The following SLC25A3 variants were observed in gnomAD, a reference collection of about 807,000 sequenced individuals.
The protein encoded by SLC25A3 is solute carrier family 25 member 3, also known as phosphate transport protein.
A neutral mutation model predicts 37.1 loss-of-function variants in SLC25A3; 14 were observed. The observed-to-expected ratio is 0.38, with a 90% CI of 0.25 to 0.59. The LOEUF is 0.59. Among genes scored for constraint, SLC25A3 ranks in the 20% least tolerant of loss-of-function variants. The probability of loss-of-function intolerance (pLI) is 0.67; values close to 1 mark genes in which losing one functional copy is unlikely to be tolerated. For missense variants in SLC25A3, 385 were observed against 458.1 expected, an observed-to-expected ratio of 0.84 and a Z score of 1.46; for synonymous variants, 161 against 168.7, an observed-to-expected ratio of 0.95 and a Z score of 0.36.
chr12:98,593,688 C>T lies in SLC25A3; in HGVS notation c.-57C>T, dbSNP rs1565828254. 1.4e-5 allele frequency: 7 copies of T among 515,878 alleles called. No individual in the cohort carries two copies. Among genetic ancestry groups the T allele is most frequent in the Non-Finnish European group, 2.1e-5 (6 of 283,082 alleles). 32.0% of individuals were successfully genotyped at this position (515,878 alleles called of 1,614,324 possible). ...TTAGGACCCGGAGGACGTCCGGCCT[C>T]TGTGAGCCGCAACCTTTCCAAGGGA... is the stretch of plus-strand genomic sequence containing the variant. On this transcript the variant is annotated 5_prime_UTR_variant, in exon 1 of 8. Transcript: ENST00000552981.
At chr12:98,593,769 C>T in intron 1 of SLC25A3, 29 bp downstream of exon 1, 1 of 613,524 alleles carries the variant, frequency 1.6e-6, no homozygotes, top group Non-Finnish European at 2.9e-6. Flanking sequence ...TCTCCTGTGG[C>T]GGGTGTGGGG....
Position 98,604,532 on chromosome 12 carries a change from C to G in SLC25A3, c.*3004C>G, listed in dbSNP as rs192046771. On this transcript the variant is annotated 3_prime_UTR_variant, in exon 8 of 8. Transcript: ENST00000552981. The stretch of plus-strand genomic sequence containing the variant: ...TTTTCCCTAGAGAACAGGGTTCTTG[C>G]TTTGTCGCCCAGGCTGGAGTACAGC... The G allele has an allele frequency of 7.3e-4, 108 of 148,054 alleles. 1 individual carries two copies. Among genetic ancestry groups the G allele is most frequent in the African/African-American group, 2.6e-3 (104 of 40,064 alleles). The allele number at this position is 148,054 out of a possible 1,614,324, so 9.2% of individuals were successfully genotyped here.
chr12:98,598,047 A>G lies in SLC25A3; in HGVS notation c.459+12A>G. ...ATATGCTTGGAGAGGTATGTAATTA[A>G]CTTTAAAATTGAATGTTCCGAGTGT... On this transcript the variant is annotated intron_variant, in intron 4 of 7. Transcript: ENST00000552981. 1.2e-6 allele frequency: 2 copies of G among 1,611,656 alleles called. No individual in the cohort carries two copies. Among genetic ancestry groups the G allele is most frequent in the Non-Finnish European group, 1.7e-6 (2 of 1,178,168 alleles).
chr12:98,603,687 G>A lies in SLC25A3; in HGVS notation c.*2159G>A, dbSNP rs751805537. 3.3e-5 allele frequency: 5 copies of A among 152,112 alleles called. No homozygotes were observed. The highest frequency in any genetic ancestry group is 1.9e-4 in the East Asian group (1 of 5,186). 9.4% of individuals were successfully genotyped at this position (152,112 alleles called of 1,614,324 possible). The stretch of plus-strand genomic sequence containing the variant: ...GAGTTATAATAGGTTTTATTTGTGG[G>A]CATTGATACAAAATACGCTGTGTTC... On this transcript the variant is annotated 3_prime_UTR_variant, in exon 8 of 8. Transcript: ENST00000552981.
rs2097598867 is a variant in SLC25A3, at chr12:98,602,748, A to G, written c.*1220A>G. On this transcript the variant is annotated 3_prime_UTR_variant, in exon 8 of 8. Transcript: ENST00000552981. Reference sequence around the variant, plus strand: ...AACGAAAAACCTAGTGTAATATATAACATGCTGTTTTTCAAACACTAGATT... The same window carrying G: ...AACGAAAAACCTAGTGTAATATATAGCATGCTGTTTTTCAAACACTAGATT... 1 of 152,200 alleles carries G rather than the reference A, an allele frequency of 6.6e-6. No homozygotes were observed. The highest frequency in any genetic ancestry group is 2.1e-4 in the South Asian group (1 of 4,828). 9.4% of individuals were successfully genotyped at this position (152,200 alleles called of 1,614,324 possible). A position where few individuals can be genotyped will look rare whatever the true frequency, so the allele number is the denominator to read the frequency against.
intron 6 of SLC25A3, 148 bp from the exon 7 acceptor site, chr12:98,601,023 C>T (rs2097597429): frequency 3.7e-6 from 3 of 804,464 alleles, no homozygotes; most frequent in African/African-American, 1.7e-5. Flanking sequence ...ATAGGATAGA[C>T]AGCTTGATAA....
chr12:98,593,838 G>A (rs905198621), intron 1 of SLC25A3, 98 bp downstream of exon 1: 3 of 959,228 alleles, frequency 3.1e-6, no homozygotes, highest in Non-Finnish European at 3.2e-6. Context: ...GCCGGGAGCA[G>A]CCTCTTTCGA....
At position 98,597,841 on chromosome 12, in the gene SLC25A3, T is replaced by C; in HGVS notation, c.280-15T>C. ...TTTGGTGCATTTAATTTTTTTTTTC[T>C]TGTTTTAAATAAAGGTGGACCCCCA... On this transcript the variant is annotated splice_polypyrimidine_tract_variant and intron_variant, in intron 3 of 7. Coordinates refer to ENST00000552981, the MANE Select transcript of SLC25A3 (RefSeq NM_002635.4). 1.9e-6 allele frequency: 3 copies of C among 1,606,738 alleles called. No individual in the cohort carries two copies. Among genetic ancestry groups the C allele is most frequent in the Admixed American group, 1.7e-5 (1 of 59,782 alleles).
rs1286877421 is a variant in SLC25A3 at position 98,600,020 on chromosome 12, G to T, written c.707G>T (p.Cys236Phe). 7 of 1,613,994 alleles carry T rather than the reference G, an allele frequency of 4.3e-6. No individual in the cohort carries two copies. Among genetic ancestry groups the T allele is most frequent in the African/African-American group, 2.7e-5 (2 of 74,926 alleles). ...CCATACACCATGATGAAGTTCGCCT[G>T]CTTTGAACGTACTGTTGAAGCACTG... is the stretch of plus-strand genomic sequence containing the variant. ...QIPYTMMKFA[C>F]FERTVEALYK... The change falls in exon 6 of 8, where the codon TGC (cysteine) becomes TTC (phenylalanine). Residue 236 changes from cysteine to phenylalanine, a missense_variant. By Grantham distance (205) the Cys-to-Phe change is radical. Coordinates refer to ENST00000552981, the MANE Select transcript of SLC25A3 (RefSeq NM_002635.4).
Position 98,601,786 on chromosome 12 carries a change from G to A in SLC25A3, c.*258G>A. 1 of 433,304 alleles carries A rather than the reference G, an allele frequency of 2.3e-6. No homozygotes were observed. The highest frequency in any genetic ancestry group is 2.6e-5 in the South Asian group (1 of 37,786). 26.8% of individuals were successfully genotyped at this position (433,304 alleles called of 1,614,324 possible). ...TAGTTGGAAAGAATGAAGTATATAA[G>A]TTAAGGAAAAAATACAAAACTGACC... is the stretch of plus-strand genomic sequence containing the variant. On this transcript the variant is annotated 3_prime_UTR_variant, in exon 8 of 8. Coordinates refer to ENST00000552981, the MANE Select transcript of SLC25A3 (RefSeq NM_002635.4).
rs1452141066 is a variant in SLC25A3, at chr12:98,602,854, CTT to C, written c.*1330_*1331del. ...CGTACAGATGGCCTGGAGAGAAAAA[CTT>C]TTTCAGAGATTGGAGAGAAATGTTA... is the stretch of plus-strand genomic sequence containing the variant. On this transcript the variant is annotated 3_prime_UTR_variant, in exon 8 of 8. Transcript: ENST00000552981. The C allele has an allele frequency of 1.3e-5, 2 of 152,170 alleles. No individual in the cohort carries two copies. The highest frequency in any genetic ancestry group is 1.5e-5 in the Non-Finnish European group (1 of 68,028). 9.4% of individuals were successfully genotyped at this position (152,170 alleles called of 1,614,324 possible).
In SLC25A3 at chr12:98,602,926, T is replaced by C. The variant is rs1220504546; in HGVS notation, c.*1398T>C. ...TCAGTGAACTCAATTTAGAAGCCAG[T>C]GCAGCTAGTTGCATGTTAACTTCTT... On this transcript the variant is annotated 3_prime_UTR_variant, in exon 8 of 8. Coordinates refer to ENST00000552981, the MANE Select transcript of SLC25A3 (RefSeq NM_002635.4). 6.6e-6 allele frequency: 1 copy of C among 152,248 alleles called. No homozygotes were observed. Among genetic ancestry groups the C allele is most frequent in the African/African-American group, 2.4e-5 (1 of 41,470 alleles). The allele number at this position is 152,248 out of a possible 1,614,324, so 9.4% of individuals were successfully genotyped here. A position where few individuals can be genotyped will look rare whatever the true frequency, so the allele number is the denominator to read the frequency against.
rs1369206043 is a variant in SLC25A3, at chr12:98,603,052, A to G, written c.*1524A>G. On this transcript the variant is annotated 3_prime_UTR_variant, in exon 8 of 8. Transcript: ENST00000552981. ...GTACAAATTTGGACCAAACTTTAAA[A>G]AGGTAAAGTAGGATGTCTTCTGAAC... is the stretch of plus-strand genomic sequence containing the variant. 6.6e-6 allele frequency: 1 copy of G among 152,254 alleles called. No individual in the cohort carries two copies. The highest frequency in any genetic ancestry group is 1.5e-5 in the Non-Finnish European group (1 of 68,044). 9.4% of individuals were successfully genotyped at this position (152,254 alleles called of 1,614,324 possible).
rs1024306613 is a variant in SLC25A3, at chr12:98,602,241, G to A, written c.*713G>A. 2.0e-5 allele frequency: 3 copies of A among 151,842 alleles called. No individual in the cohort carries two copies. The highest frequency in any genetic ancestry group is 1.3e-4 in the Admixed American group (2 of 15,206). The allele number at this position is 151,842 out of a possible 1,614,324, so 9.4% of individuals were successfully genotyped here. On this transcript the variant is annotated 3_prime_UTR_variant, in exon 8 of 8. Coordinates refer to ENST00000552981, the MANE Select transcript of SLC25A3 (RefSeq NM_002635.4). ...GTGTAGTGTCGCGATCTCGCCTCAC[G>A]GCAACCTCTGCCTCCCAGGTTCAAG...
At chr12:98,600,265 T>C in intron 6 of SLC25A3, 138 bp downstream of exon 6, 1 of 685,670 alleles carries the variant, frequency 1.5e-6, no homozygotes, top group South Asian at 1.6e-5. Context: ...TGAGGCATAG[T>C]CTCGCTCTGT....
In SLC25A3 at chr12:98,601,617, G is replaced by A; in HGVS notation, c.*89G>A. ...AACTTTTATATATTTGACAGTGTAGGAAATTGTCTATTCCTGATATAATTA... is the reference window on the plus strand; with the variant it reads ...AACTTTTATATATTTGACAGTGTAGAAAATTGTCTATTCCTGATATAATTA... On this transcript the variant is annotated 3_prime_UTR_variant, in exon 8 of 8. Transcript: ENST00000552981. The A allele has an allele frequency of 1.2e-6, 1 of 851,082 alleles. No individual in the cohort carries two copies. Among genetic ancestry groups the A allele is most frequent in the South Asian group, 1.4e-5 (1 of 72,662 alleles). 52.7% of individuals were successfully genotyped at this position (851,082 alleles called of 1,614,324 possible).
At chr12:98,598,096 G>T in intron 4 of SLC25A3, 61 bp downstream of exon 4, 1 of 1,570,726 alleles carries the variant, frequency 6.4e-7, no homozygotes, top group Non-Finnish European at 8.8e-7. Flanking sequence ...AGTGTTCTTA[G>T]ATTTTTGTCT....
intron 6 of SLC25A3, among the ~76,000 whole-genome samples, chr12:98,600,495 C>G (rs994306327): frequency 6.6e-6 from 1 of 152,176 alleles, no homozygotes; most frequent in African/African-American, 2.4e-5. Context: ...TCACTGCAGC[C>G]TCCGCCTCCT....
Position 98,598,002 on chromosome 12 carries a change from C to CTA in SLC25A3, c.427_428insAT (p.Phe143TyrfsTer58). ...TCTGCAAGTTTGGCTTTTATGAAGT[C>CTA]TTTAAAGTCTTGTATAGCAATATGC... On this transcript the variant is annotated frameshift_variant, in exon 4 of 8. Transcript: ENST00000552981. LOFTEE classifies it high-confidence loss of function. The CTA allele has an allele frequency of 6.2e-7, 1 of 1,613,634 alleles. No homozygotes were observed. Among genetic ancestry groups the CTA allele is most frequent in the Non-Finnish European group, 8.5e-7 (1 of 1,179,596 alleles).
Sources: allele counts gnomAD v4.1 joint callset (sites outside exome capture counted in the v4.1 genomes callset), GRCh38; gene constraint gnomAD v4.1.1; transcripts MANE v1.5; gene names NCBI Gene and HGNC (gene_info 2026-07-23, HGNC 2026-07-21).